Variants in FOXP2 observed in about 807,000 individuals in gnomAD.
FOXP2 encodes the protein forkhead box P2.
Under a neutral mutation model 115.8 loss-of-function variants are expected in FOXP2, and 12 were observed. The ratio of observed to expected loss-of-function variants is 0.10; its 90% CI spans 0.07 to 0.17. The LOEUF (loss-of-function observed/expected upper bound fraction) is 0.17. Ranked by LOEUF, FOXP2 falls within the 10% of genes least tolerant of loss-of-function variation. The pLI, the probability that FOXP2 is intolerant of heterozygous loss-of-function variation, is 1.00. For missense variants in FOXP2, 629 were observed against 843.5 expected, an observed-to-expected ratio of 0.75 and a Z score of 3.15; for synonymous variants, 328 against 297.7, an observed-to-expected ratio of 1.10 and a Z score of -1.05.
At chr7:114,117,513 T>C (rs1448453463) in intron 1 of FOXP2, among the ~76,000 whole-genome samples, 4 of 152,126 alleles carry the variant, frequency 2.6e-5, no homozygotes, top group Non-Finnish European at 4.4e-5. Context: ...TGAGCCACCA[T>C]GCCATCAAAC....
At chr7:114,392,966 G>T (rs1277733677) in intron 2 of FOXP2, among the ~76,000 whole-genome samples, 1 of 152,082 alleles carries the variant, frequency 6.6e-6, no homozygotes, top group African/African-American at 2.4e-5. Context: ...TGGATTCAAG[G>T]CCATTTAAAC....
chr7:114,303,399 A>G (rs1377841836), intron 2 of FOXP2, among the ~76,000 whole-genome samples: 1 of 152,164 alleles, frequency 6.6e-6, no homozygotes. Context: ...TGATGTTTTA[A>G]AGGAAATCTT....
intron 2 of FOXP2, among the ~76,000 whole-genome samples, chr7:114,495,658 A>G (rs1048595093): frequency 1.3e-5 from 2 of 151,626 alleles, no homozygotes; most frequent in Non-Finnish European, 2.9e-5. Flanking sequence ...GGCATGTGCC[A>G]CCATGCTCCG....
At chr7:114,115,475 C>T (rs974684663) in intron 1 of FOXP2, among the ~76,000 whole-genome samples, 1 of 152,144 alleles carries the variant, frequency 6.6e-6, no homozygotes, top group Non-Finnish European at 1.5e-5. Flanking sequence ...TGTCTCCTTT[C>T]CCCTGGCTCT....
intron 2 of FOXP2, among the ~76,000 whole-genome samples, chr7:114,344,245 T>C (rs1791286052): frequency 6.6e-6 from 1 of 151,790 alleles, no homozygotes; most frequent in African/African-American, 2.4e-5. Context: ...TACTCATCAA[T>C]ATCTAAGCTC....
chr7:114,648,339 T>A (rs75172392), intron 8 of FOXP2, among the ~76,000 whole-genome samples: 1 of 152,084 alleles, frequency 6.6e-6, no homozygotes, highest in African/African-American at 2.4e-5. Flanking sequence ...ACATTTTGTA[T>A]TTAAACTCCT....
intron 2 of FOXP2, among the ~76,000 whole-genome samples, chr7:114,386,155 C>G (rs950072529): frequency 2.0e-5 from 3 of 152,040 alleles, no homozygotes; most frequent in Admixed American, 6.5e-5. Context: ...GGTGGGTCTG[C>G]GACAGTGGCA....
intron 1 of FOXP2, among the ~76,000 whole-genome samples, chr7:114,241,519 C>T (rs1383302973): frequency 6.6e-6 from 1 of 151,992 alleles, no homozygotes; most frequent in African/African-American, 2.4e-5. Flanking sequence ...GAAAGCTCTA[C>T]AGATGATATT....
chr7:114,251,016 G>T (rs1257502914), intron 1 of FOXP2, among the ~76,000 whole-genome samples: 1 of 152,076 alleles, frequency 6.6e-6, no homozygotes, highest in Non-Finnish European at 1.5e-5. Context: ...TCTACATATG[G>T]CTAGCCAGTT....
chr7:114,465,876 G>A (rs189543506), intron 2 of FOXP2, among the ~76,000 whole-genome samples: 1 of 152,240 alleles, frequency 6.6e-6, no homozygotes, highest in African/African-American at 2.4e-5. Context: ...AATGTTGGAA[G>A]AAGAAAGTAG....
chr7:114,207,473 CATAA>C (rs1794228358), intron 1 of FOXP2, among the ~76,000 whole-genome samples: 1 of 152,080 alleles, frequency 6.6e-6, no homozygotes, highest in Non-Finnish European at 1.5e-5. Flanking sequence ...ATTTTCATTT[CATAA>C]ATACAGTATA....
At chr7:114,462,366 CT>C (rs1170387045) in intron 2 of FOXP2, among the ~76,000 whole-genome samples, 24,667 of 89,016 alleles carry the variant, frequency 0.28, 3,472 homozygotes, top group Non-Finnish European at 0.36. Context: ...AGCATAATAT[CT>C]TTTTTTTTTT....
At chr7:114,125,130 T>C (rs1791673998) in intron 1 of FOXP2, among the ~76,000 whole-genome samples, 2 of 152,134 alleles carry the variant, frequency 1.3e-5, no homozygotes, top group African/African-American at 4.8e-5. Flanking sequence ...ACTAAACTTG[T>C]ATGCCCCAGG....
chr7:114,548,197 A>G (rs1800027874), intron 3 of FOXP2, among the ~76,000 whole-genome samples: 1 of 152,244 alleles, frequency 6.6e-6, no homozygotes, highest in Admixed American at 6.5e-5. Flanking sequence ...GGGCAAAATA[A>G]AAATAGGTGC....
chr7:114,391,645 A>G (rs1196086885), intron 2 of FOXP2, among the ~76,000 whole-genome samples: 2 of 152,198 alleles, frequency 1.3e-5, no homozygotes, highest in Non-Finnish European at 2.9e-5. Flanking sequence ...ACTCTCCACA[A>G]ATACTAACTT....
At chr7:114,442,961 A>G (rs1257389613) in intron 2 of FOXP2, among the ~76,000 whole-genome samples, 2 of 152,184 alleles carry the variant, frequency 1.3e-5, no homozygotes, top group Admixed American at 6.5e-5. Flanking sequence ...GGAAACTCCA[A>G]TTCCAAGTGT....
At chr7:114,426,968 T>A (rs1212633423) in intron 2 of FOXP2, among the ~76,000 whole-genome samples, 2 of 151,646 alleles carry the variant, frequency 1.3e-5, no homozygotes, top group African/African-American at 4.8e-5. Context: ...AGCTTCTAGT[T>A]TACTATCTTA....
intron 2 of FOXP2, among the ~76,000 whole-genome samples, chr7:114,373,053 G>T (rs373911833): frequency 6.6e-6 from 1 of 151,496 alleles, no homozygotes. Context: ...AGTGCAGTGC[G>T]GCGATCTTGG....
chr7:114,645,229 A>G (rs1239926655), intron 8 of FOXP2: 1 of 140,390 alleles, frequency 7.1e-6, no homozygotes, highest in Non-Finnish European at 1.5e-5. Flanking sequence ...GGCTTTATAT[A>G]TTTTTTAAAA....
Sources: gnomAD v4.1 joint callset for allele counts (sites outside exome capture counted in the v4.1 genomes callset) on GRCh38, gnomAD v4.1.1 for gene constraint, MANE v1.5 for transcripts, NCBI Gene and HGNC (gene_info 2026-07-23, HGNC 2026-07-21) for gene names.